Variants in DPP6 observed in about 807,000 individuals in gnomAD.
DPP6 encodes the protein A-type potassium channel modulatory protein DPP6.
In DPP6, 69 loss-of-function variants were observed where a neutral mutation model predicts 122.6. The observed-to-expected ratio is 0.56, with a 90% CI of 0.46 to 0.69. The LOEUF (loss-of-function observed/expected upper bound fraction) is 0.69. Ranked by LOEUF, DPP6 falls within the 30% of genes least tolerant of loss-of-function variation. The pLI, the probability that DPP6 is intolerant of heterozygous loss-of-function variation, is 0.00. For missense variants in DPP6, 928 were observed against 1,116.9 expected, an observed-to-expected ratio of 0.83 and a Z score of 2.41; for synonymous variants, 418 against 433.1, an observed-to-expected ratio of 0.97 and a Z score of 0.43.
chr7:154,344,614 TGA>T (rs1276352495), intron 1 of DPP6, among the ~76,000 whole-genome samples: 2 of 152,114 alleles, frequency 1.3e-5, no homozygotes, highest in Non-Finnish European at 2.9e-5. Context: ...AGGTGCTACG[TGA>T]GAGAGATCCA....
the DPP6 span, among the ~76,000 whole-genome samples, chr7:153,786,722 G>C: frequency 4.0e-5 from 5 of 124,046 alleles, no homozygotes; most frequent in Admixed American, 1.8e-4. Context: ...CTGGGCGACA[G>C]AGCGAGACTC....
chr7:154,840,550 A>G (rs1402520101), intron 16 of DPP6, among the ~76,000 whole-genome samples: 1 of 152,160 alleles, frequency 6.6e-6, no homozygotes, highest in Non-Finnish European at 1.5e-5. Flanking sequence ...TTGTACACGC[A>G]AGCGTTGTCT....
intron 20 of DPP6, among the ~76,000 whole-genome samples, chr7:154,879,902 C>T (rs894405355): frequency 2.6e-5 from 4 of 152,230 alleles, no homozygotes; most frequent in African/African-American, 9.6e-5. Flanking sequence ...GCCTCCGCCA[C>T]GTGGAGGGCA....
chr7:154,102,232 C>A (rs1442950922), intron 1 of DPP6, among the ~76,000 whole-genome samples: 1 of 152,050 alleles, frequency 6.6e-6, no homozygotes, highest in Non-Finnish European at 1.5e-5. Flanking sequence ...GTTGCCCAGG[C>A]TGGAGTGCAA....
chr7:154,160,750 G>A (rs934388259), intron 1 of DPP6, among the ~76,000 whole-genome samples: 3 of 152,130 alleles, frequency 2.0e-5, no homozygotes, highest in African/African-American at 7.2e-5. Context: ...CAGAGATGGG[G>A]GACTTGAAAA....
the DPP6 span, among the ~76,000 whole-genome samples, chr7:153,855,707 A>T: frequency 6.6e-6 from 1 of 152,178 alleles, no homozygotes; most frequent in Non-Finnish European, 1.5e-5. Context: ...ACTCAGCCAG[A>T]CATTGGACAA....
At chr7:154,662,400 ATGTGAAT>A (rs1837775005) in intron 6 of DPP6, among the ~76,000 whole-genome samples, 1 of 141,156 alleles carries the variant, frequency 7.1e-6, no homozygotes, top group Non-Finnish European at 1.6e-5. Flanking sequence ...TCATATAGTC[ATGTGAAT>A]CACCATGGCG....
chr7:154,502,113 T>C (rs2151414105), intron 3 of DPP6, among the ~76,000 whole-genome samples: 1 of 152,308 alleles, frequency 6.6e-6, no homozygotes, highest in African/African-American at 2.4e-5. Flanking sequence ...TTTCTCACAT[T>C]TGGAATGGCC....
intron 5 of DPP6, among the ~76,000 whole-genome samples, chr7:154,580,797 A>C (rs750057455): frequency 2.9e-4 from 44 of 152,162 alleles, no homozygotes; most frequent in Non-Finnish European, 4.6e-4. Flanking sequence ...CTGCAGAGGA[A>C]CAGAGGCCGC....
At chr7:154,017,243 G>A (rs549972172) in intron 1 of DPP6, among the ~76,000 whole-genome samples, 44 of 152,160 alleles carry the variant, frequency 2.9e-4, no homozygotes, top group African/African-American at 1.0e-3. Context: ...AATTTTTTGA[G>A]TTTTTGTAGA....
chr7:153,820,940 A>G, the DPP6 span, among the ~76,000 whole-genome samples: 97,026 of 123,578 alleles, frequency 0.79, 38,752 homozygotes, highest in Non-Finnish European at 0.85. Context: ...CTTCCTGGGC[A>G]TACAGAGCTG....
intron 1 of DPP6, among the ~76,000 whole-genome samples, chr7:154,132,133 C>A (rs556380954): frequency 4.6e-5 from 7 of 152,174 alleles, no homozygotes; most frequent in African/African-American, 1.7e-4. Flanking sequence ...TACCTGGTCA[C>A]AATTTGTATT....
intron 1 of DPP6, among the ~76,000 whole-genome samples, chr7:153,998,869 T>C (rs1469692421): frequency 2.0e-5 from 3 of 152,260 alleles, no homozygotes; most frequent in East Asian, 3.8e-4. Flanking sequence ...ATCTTTTGAA[T>C]GAATGGAATC....
intron 1 of DPP6, among the ~76,000 whole-genome samples, chr7:154,111,070 C>A (rs1806535443): frequency 6.6e-6 from 1 of 152,092 alleles, no homozygotes; most frequent in African/African-American, 2.4e-5. Flanking sequence ...CGAGCTCAAG[C>A]CTAAAAATCC....
At chr7:154,243,400 A>G (rs1043375188) in intron 1 of DPP6, among the ~76,000 whole-genome samples, 2 of 152,228 alleles carry the variant, frequency 1.3e-5, no homozygotes, top group African/African-American at 4.8e-5. Flanking sequence ...CATGGTCATA[A>G]TGAGTAAACA....
At chr7:153,812,231 G>A in the DPP6 span, among the ~76,000 whole-genome samples, 3 of 152,082 alleles carry the variant, frequency 2.0e-5, no homozygotes, top group Non-Finnish European at 2.9e-5. Context: ...CAGCCAGGTC[G>A]ATTCTTCTTA....
upstream of DPP6, among the ~76,000 whole-genome samples, chr7:154,051,381 C>G (rs555312276): frequency 6.7e-6 from 1 of 148,574 alleles, no homozygotes; most frequent in East Asian, 2.0e-4. Flanking sequence ...ACGAGAGAGA[C>G]GCGTGCCCAG....
chr7:154,112,150 A>G (rs1806635626), intron 1 of DPP6, among the ~76,000 whole-genome samples: 1 of 152,186 alleles, frequency 6.6e-6, no homozygotes, highest in African/African-American at 2.4e-5. Context: ...GTTTTGGATG[A>G]CGTGGACAGT....
At chr7:153,807,735 G>A in the DPP6 span, among the ~76,000 whole-genome samples, 145 of 151,944 alleles carry the variant, frequency 9.5e-4, 3 homozygotes, top group Non-Finnish European at 9.0e-4. Flanking sequence ...GGAGGAGGGA[G>A]AATTTAGACA....
Sources: gnomAD v4.1 joint callset for allele counts (sites outside exome capture counted in the v4.1 genomes callset) on GRCh38, gnomAD v4.1.1 for gene constraint, MANE v1.5 for transcripts, NCBI Gene and HGNC (gene_info 2026-07-23, HGNC 2026-07-21) for gene names.